CDH20: variants seen among roughly 807,000 people sequenced by gnomAD.
The protein encoded by CDH20 is cadherin 20, also known as cadherin-20.
Under a neutral mutation model 74.2 loss-of-function variants are expected in CDH20, and 29 were observed. The ratio of observed to expected loss-of-function variants is 0.39; its 90% confidence interval spans 0.29 to 0.53. CDH20 has a LOEUF of 0.53. CDH20 is among the 20% of genes least tolerant of loss of function. CDH20 has a pLI of 0.69. For missense variants in CDH20, 988 were observed against 1,048.3 expected (o/e 0.94, Z 0.79); for synonymous variants, 469 against 405.4 (o/e 1.16, Z -1.88).
intron 1 of CDH20, among the ~76,000 whole-genome samples, chr18:61,362,106 C>T (rs1910712746): frequency 6.6e-6 from 1 of 152,150 alleles, no homozygotes; most frequent in South Asian, 2.1e-4. Context: ...AACCCACTTA[C>T]TCCAAGAAAC....
At chr18:61,337,131 AG>A (rs1909787261) in intron 1 of CDH20, among the ~76,000 whole-genome samples, 1 of 152,222 alleles carries the variant, frequency 6.6e-6, no homozygotes, top group Non-Finnish European at 1.5e-5. Flanking sequence ...GAAATAGAAA[AG>A]TAGCATTTAT....
At chr18:61,529,680 T>G (rs1175429090) in intron 7 of CDH20, among the ~76,000 whole-genome samples, 1 of 152,212 alleles carries the variant, frequency 6.6e-6, no homozygotes, top group Non-Finnish European at 1.5e-5. Flanking sequence ...GATCCTAATT[T>G]ATTAATTATA....
intron 1 of CDH20, among the ~76,000 whole-genome samples, chr18:61,453,741 G>A (rs118102264): frequency 1.2e-4 from 18 of 152,218 alleles, no homozygotes; most frequent in South Asian, 4.1e-4. Flanking sequence ...TCTAGTTTGG[G>A]GGCATTATTA....
intron 1 of CDH20, among the ~76,000 whole-genome samples, chr18:61,440,454 T>C (rs1305006785): frequency 2.0e-5 from 3 of 152,170 alleles, no homozygotes; most frequent in Admixed American, 1.3e-4. Flanking sequence ...ATTGCAGACA[T>C]AGCCGACTAA....
chr18:61,553,501 T>C (rs572170263), intron 11 of CDH20, among the ~76,000 whole-genome samples: 1 of 152,324 alleles, frequency 6.6e-6, no homozygotes, highest in African/African-American at 2.4e-5. Flanking sequence ...AAAAGGCCAC[T>C]GCTCATTCTC....
chr18:61,508,494 G>T (rs1911659131), intron 6 of CDH20, among the ~76,000 whole-genome samples: 2 of 146,602 alleles, frequency 1.4e-5, no homozygotes, highest in Admixed American at 1.4e-4. Flanking sequence ...AAATTGGATG[G>T]TTGGCTAAAT....
intron 1 of CDH20, among the ~76,000 whole-genome samples, chr18:61,398,765 A>G (rs530521070): frequency 3.9e-5 from 6 of 152,164 alleles, no homozygotes; most frequent in Non-Finnish European, 8.8e-5. Flanking sequence ...AATCAATGGC[A>G]TTGTCAGCAT....
intron 1 of CDH20, among the ~76,000 whole-genome samples, chr18:61,433,512 T>A (rs1908725310): frequency 6.6e-6 from 1 of 152,106 alleles, no homozygotes; most frequent in Admixed American, 6.6e-5. Context: ...AATTTCAGTC[T>A]CACACGTGAA....
At chr18:61,394,571 C>A (rs755972574) in intron 1 of CDH20, among the ~76,000 whole-genome samples, 21 of 152,124 alleles carry the variant, frequency 1.4e-4, no homozygotes, top group African/African-American at 2.4e-4. Flanking sequence ...TCAGAAGGAA[C>A]CAACCCTGCA....
intron 1 of CDH20, among the ~76,000 whole-genome samples, chr18:61,365,072 C>A (rs1910815276): frequency 6.6e-6 from 1 of 152,298 alleles, no homozygotes; most frequent in East Asian, 1.9e-4. Context: ...CTAGAAATTA[C>A]TTATTTTCAC....
chr18:61,549,962 C>A lies in CDH20; in HGVS notation c.1649-16C>A, dbSNP rs745888696. 8.3e-5 allele frequency: 133 copies of A among 1,603,692 alleles called. No individual in the cohort carries two copies. Among genetic ancestry groups the A allele is most frequent in the Non-Finnish European group, 1.1e-4 (133 of 1,171,990 alleles). On this transcript the variant is annotated splice_polypyrimidine_tract_variant and intron_variant, in intron 10 of 11. Transcript: ENST00000262717. ...CACCTTCCCTTTTCCAATCCTGGAA[C>A]CCCTCCTTCTTTCAGATAACACAGC...
At chr18:61,346,391 G>T (rs1243187868) in intron 1 of CDH20, among the ~76,000 whole-genome samples, 4 of 152,078 alleles carry the variant, frequency 2.6e-5, no homozygotes, top group African/African-American at 7.2e-5. Flanking sequence ...CTGGGCAAAA[G>T]AAATATTTAT....
At chr18:61,517,835 A>C (rs1439709796) in intron 6 of CDH20, among the ~76,000 whole-genome samples, 1 of 151,988 alleles carries the variant, frequency 6.6e-6, no homozygotes, top group African/African-American at 2.4e-5. Flanking sequence ...AGTGGATCCC[A>C]CCCCCATGGA....
At chr18:61,351,801 T>A (rs557824329) in intron 1 of CDH20, among the ~76,000 whole-genome samples, 53 of 152,252 alleles carry the variant, frequency 3.5e-4, no homozygotes, top group African/African-American at 1.2e-3. Flanking sequence ...ATTGATGTCA[T>A]GAATACCTGT....
intron 6 of CDH20, among the ~76,000 whole-genome samples, chr18:61,515,413 C>A (rs370156704): frequency 6.6e-6 from 1 of 151,786 alleles, no homozygotes; most frequent in South Asian, 2.1e-4. Flanking sequence ...CACTCCCTAG[C>A]GAGATGAACC....
At chr18:61,452,101 A>G (rs969819525) in intron 1 of CDH20, among the ~76,000 whole-genome samples, 4 of 152,090 alleles carry the variant, frequency 2.6e-5, no homozygotes, top group Non-Finnish European at 5.9e-5. Flanking sequence ...AACAAAAAAC[A>G]AAAAACACCC....
chr18:61,343,481 A>ATT (rs1910019318), intron 1 of CDH20, among the ~76,000 whole-genome samples: 1 of 152,210 alleles, frequency 6.6e-6, no homozygotes, highest in African/African-American at 2.4e-5. Flanking sequence ...TGCTGGAGAA[A>ATT]GGCAGACCCA....
chr18:61,496,278 C>T (rs2849858), intron 2 of CDH20, among the ~76,000 whole-genome samples: 9,737 of 125,770 alleles, frequency 0.077, 485 homozygotes, highest in South Asian at 0.099. Flanking sequence ...CTTCCTTTCC[C>T]TTCCCTCCTT....
chr18:61,501,713 G>T (rs1911389685), intron 4 of CDH20, among the ~76,000 whole-genome samples: 1 of 152,090 alleles, frequency 6.6e-6, no homozygotes, highest in African/African-American at 2.4e-5. Context: ...GAGGAGGAAA[G>T]AAAAAAGATT....
Sources: allele counts gnomAD v4.1 joint callset (sites outside exome capture counted in the v4.1 genomes callset), GRCh38; gene constraint gnomAD v4.1.1; transcripts MANE v1.5; gene names NCBI Gene and HGNC (gene_info 2026-07-23, HGNC 2026-07-21).